The following DAAM1 variants were observed in gnomAD, a reference collection of about 807,000 sequenced individuals.
DAAM1 encodes disheveled-associated activator of morphogenesis 1.
Under a neutral mutation model 130.0 loss-of-function variants are expected in DAAM1, and 52 were observed. That is an observed-to-expected ratio of 0.40 (90% CI 0.32 to 0.50). DAAM1 has a LOEUF of 0.50. DAAM1 is among the 20% of genes least tolerant of loss of function. The pLI is 0.61. For synonymous variants in DAAM1, 452 were observed against 444.5 expected (o/e 1.02, Z -0.21); for missense variants, 1,134 against 1,303.8 (o/e 0.87, Z 2.01).
At chr14:59,191,687 T>C (rs1316218967) in intron 1 of DAAM1, among the ~76,000 whole-genome samples, 2 of 152,198 alleles carry the variant, frequency 1.3e-5, no homozygotes, top group East Asian at 1.9e-4. Flanking sequence ...CAATTTCTTA[T>C]TACCCCTGAA....
intron 1 of DAAM1, among the ~76,000 whole-genome samples, chr14:59,227,011 G>A (rs977855044): frequency 1.3e-5 from 2 of 152,028 alleles, no homozygotes; most frequent in African/African-American, 4.8e-5. Flanking sequence ...CCCCCACCTT[G>A]TTTTCTACTT....
At chr14:59,195,541 C>G (rs1887862543) in intron 1 of DAAM1, among the ~76,000 whole-genome samples, 1 of 152,076 alleles carries the variant, frequency 6.6e-6, no homozygotes, top group African/African-American at 2.4e-5. Flanking sequence ...TTTAAGGCTA[C>G]CTGTATTTCT....
At chr14:59,213,246 C>A (rs943581124) in intron 1 of DAAM1, among the ~76,000 whole-genome samples, 13 of 151,400 alleles carry the variant, frequency 8.6e-5, no homozygotes, top group African/African-American at 3.2e-4. Context: ...CCCTCCCTTC[C>A]CCCGTATCCC....
intron 12 of DAAM1, 23 bp downstream of exon 12, chr14:59,327,014 G>A (rs200121362): frequency 2.3e-4 from 369 of 1,613,486 alleles, no homozygotes; most frequent in Non-Finnish European, 7.0e-5. Flanking sequence ...GCCCTGATAA[G>A]AGGCTGTGTT....
At chr14:59,261,633 T>C (rs1402657210) in intron 1 of DAAM1, among the ~76,000 whole-genome samples, 2 of 152,238 alleles carry the variant, frequency 1.3e-5, no homozygotes, top group Non-Finnish European at 2.9e-5. Context: ...AGTTCCTGAC[T>C]GTAGAGACCA....
Position 59,291,275 on chromosome 14 carries a change from A to T in DAAM1, c.242A>T (p.Lys81Ile), listed in dbSNP as rs755491765. 1 of 1,612,136 alleles carries T rather than the reference A, an allele frequency of 6.2e-7. No individual in the cohort carries two copies. The change falls in exon 3 of 25, where the codon AAA becomes ATA. Residue 81 changes from lysine (K) to isoleucine (I), a missense_variant. Lys to Ile is a moderately radical substitution (Grantham distance 102). Transcript: ENST00000360909. ...REAMFALPAE[K>I]KWQIYCSKKK... is the part of the protein sequence containing the mutation. ...GCCATGTTTGCACTTCCAGCTGAGAAAAAATGGCAAATATACTGTAGCAAG... is the reference window on the plus strand; with the variant it reads ...GCCATGTTTGCACTTCCAGCTGAGATAAAATGGCAAATATACTGTAGCAAG...
rs775674348 is a variant in DAAM1 at position 59,331,858 on chromosome 14, G to C, written c.1906G>C (p.Val636Leu). The change falls in exon 15 of 25, where the codon GTC (valine) becomes CTC (leucine). Residue 636 changes from valine (V) to leucine (L), a missense_variant. By Grantham distance (32) the Val-to-Leu change is conservative. Transcript: ENST00000360909. ...TVWTEIDDTK[V>L]FKILDLEDLE... is the part of the protein sequence containing the mutation. ...ATGGACCGAAATTGATGATACAAAA[G>C]TCTTCAAAATTCTAGATCTTGAAGA... 1.9e-6 allele frequency: 3 copies of C among 1,614,098 alleles called. No homozygotes were observed. In the South Asian group the frequency reaches 3.3e-5, roughly 18 times the overall value.
intron 1 of DAAM1, among the ~76,000 whole-genome samples, chr14:59,213,006 C>T (rs961607515): frequency 1.3e-5 from 2 of 152,108 alleles, no homozygotes; most frequent in African/African-American, 4.8e-5. Flanking sequence ...TGAAGGACCC[C>T]TTGTAATACT....
At chr14:59,267,564 A>C (rs1474162663) in intron 2 of DAAM1, among the ~76,000 whole-genome samples, 1 of 152,166 alleles carries the variant, frequency 6.6e-6, no homozygotes, top group Admixed American at 6.5e-5. Flanking sequence ...TAAAGTGTGC[A>C]ATTCAGTGGC....
In DAAM1 at chr14:59,355,343, A is replaced by G; in HGVS notation, c.2525+10A>G. On this transcript the variant is annotated intron_variant, in intron 20 of 24. Transcript: ENST00000360909. Reference sequence around the variant, plus strand: ...AATCCAGCATCGACAAGTAAGTATGAGATCTTCCAACACTTGGGGGAGCCA... The same window carrying G: ...AATCCAGCATCGACAAGTAAGTATGGGATCTTCCAACACTTGGGGGAGCCA... 1 of 1,613,690 alleles carries G rather than the reference A, an allele frequency of 6.2e-7. No individual in the cohort carries two copies. The highest frequency in any genetic ancestry group is 8.5e-7 in the Non-Finnish European group (1 of 1,179,824).
chr14:59,193,054 AAACAACAAC>A (rs34240731), intron 1 of DAAM1, among the ~76,000 whole-genome samples: 1 of 151,760 alleles, frequency 6.6e-6, no homozygotes, highest in African/African-American at 2.4e-5. Context: ...CTCCGTCTCA[AAACAACAAC>A]AACAACAACA....
intron 8 of DAAM1, among the ~76,000 whole-genome samples, chr14:59,325,423 G>A (rs1885169043): frequency 2.0e-5 from 3 of 152,128 alleles, no homozygotes; most frequent in Admixed American, 2.0e-4. Context: ...TTTAATAATT[G>A]CCTACTGTAT....
At chr14:59,261,445 T>C (rs928877759) in intron 1 of DAAM1, among the ~76,000 whole-genome samples, 2 of 152,216 alleles carry the variant, frequency 1.3e-5, no homozygotes, top group African/African-American at 2.4e-5. Context: ...TTATGACATA[T>C]GTCTCAGTAT....
intron 20 of DAAM1, among the ~76,000 whole-genome samples, chr14:59,355,680 C>G (rs981101579): frequency 6.6e-5 from 10 of 152,134 alleles, no homozygotes; most frequent in African/African-American, 2.4e-4. Flanking sequence ...GGTCAGTCAT[C>G]ACAAATGCTG....
chr14:59,331,294 T>C lies in DAAM1; in HGVS notation c.1646T>C (p.Leu549Pro). 1.2e-6 allele frequency: 2 copies of C among 1,612,576 alleles called. No individual in the cohort carries two copies. Among genetic ancestry groups the C allele is most frequent in the Non-Finnish European group, 1.7e-6 (2 of 1,179,920 alleles). The change falls in exon 14 of 25, where the codon CTT becomes CCT. Residue 549 changes from leucine (L) to proline (P), a missense_variant. This residue lies in a region of DAAM1 where 644 missense variants were observed against 695.9 expected (regional missense o/e 0.93). Transcript: ENST00000360909. ...CCTTCCTCTGTGCCTGGATCTCTCC[T>C]TCCTCCCCCACCACCCCCACCTCTA... ...PFPSSVPGSLLPPPPPPPLPG... is the reference protein window; with the variant it reads ...PFPSSVPGSLPPPPPPPPLPG...
At chr14:59,210,097 C>T (rs144218334) in intron 1 of DAAM1, among the ~76,000 whole-genome samples, 87 of 152,252 alleles carry the variant, frequency 5.7e-4, no homozygotes, top group African/African-American at 2.0e-3. Context: ...AGCTATGATA[C>T]AGCCAGTGCA....
chr14:59,360,609 A>G (rs991487503), intron 21 of DAAM1, 193 bp from the exon 22 acceptor site: 27 of 403,138 alleles, frequency 6.7e-5, no homozygotes, highest in Non-Finnish European at 1.0e-4. Context: ...TACAGAAAAC[A>G]AACATAATTT....
At chr14:59,290,847 A>G (rs978666893) in intron 2 of DAAM1, among the ~76,000 whole-genome samples, 2 of 152,130 alleles carry the variant, frequency 1.3e-5, no homozygotes, top group South Asian at 2.1e-4. Context: ...GCAAATCCTC[A>G]TCTTTAACAT....
intron 1 of DAAM1, among the ~76,000 whole-genome samples, chr14:59,242,227 A>G (rs1283142488): frequency 1.3e-5 from 2 of 152,222 alleles, no homozygotes; most frequent in Admixed American, 1.3e-4. Context: ...TTAACAAATT[A>G]TCCCAAAAGC....
Sources: gnomAD v4.1 joint callset for allele counts (sites outside exome capture counted in the v4.1 genomes callset) on GRCh38, gnomAD v4.1.1 for gene constraint, gnomAD v4.1.1 regional missense constraint, MANE v1.5 for transcripts, NCBI Gene and HGNC (gene_info 2026-07-23, HGNC 2026-07-21) for gene names.